PTPRD: variants seen among roughly 807,000 people sequenced by gnomAD.
The protein encoded by PTPRD is protein tyrosine phosphatase receptor type D, also known as receptor-type tyrosine-protein phosphatase delta.
A neutral mutation model predicts 214.5 loss-of-function variants in PTPRD; 34 were observed. The ratio of observed to expected loss-of-function variants is 0.16; its 90% CI spans 0.12 to 0.21. PTPRD has a LOEUF of 0.21. Among genes scored for constraint, PTPRD ranks in the 10% least tolerant of loss-of-function variants. PTPRD has a pLI of 1.00. For synonymous variants in PTPRD, 1,128 were observed against 845.7 expected (o/e 1.33, Z -5.79); for missense variants, 2,545 against 2,398.7 (o/e 1.06, Z -1.27).
intron 27 of PTPRD, among the ~76,000 whole-genome samples, chr9:8,490,942 G>C (rs2097137075): frequency 6.6e-6 from 1 of 152,130 alleles, no homozygotes; most frequent in Admixed American, 6.5e-5. Context: ...GCTCACATCT[G>C]TGAGATAAAC....
At chr9:10,364,233 C>A (rs1459432006) in intron 2 of PTPRD, among the ~76,000 whole-genome samples, 1 of 152,064 alleles carries the variant, frequency 6.6e-6, no homozygotes, top group Admixed American at 6.5e-5. Context: ...GATCTCCTGA[C>A]CTCGTGATCC....
chr9:10,079,164 T>C (rs561016878), intron 3 of PTPRD, among the ~76,000 whole-genome samples: 12 of 152,140 alleles, frequency 7.9e-5, no homozygotes, highest in Admixed American at 6.6e-5. Flanking sequence ...AAATACCCAT[T>C]CTGGGAAGGT....
At chr9:10,164,575 G>A (rs1419867885) in intron 3 of PTPRD, among the ~76,000 whole-genome samples, 1 of 151,524 alleles carries the variant, frequency 6.6e-6, no homozygotes, top group Non-Finnish European at 1.5e-5. Flanking sequence ...TGTTCATATG[G>A]TGTGACTAAA....
intron 8 of PTPRD, among the ~76,000 whole-genome samples, chr9:9,451,945 A>G (rs1025328828): frequency 3.5e-4 from 53 of 151,494 alleles, no homozygotes; most frequent in African/African-American, 1.2e-3. Flanking sequence ...ATTAAAAGTT[A>G]TGTCTCTTTG....
intron 3 of PTPRD, among the ~76,000 whole-genome samples, chr9:10,048,815 C>T (rs960568813): frequency 6.6e-6 from 1 of 151,976 alleles, no homozygotes; most frequent in South Asian, 2.1e-4. Context: ...CACTAAAATG[C>T]TAACAATTCA....
chr9:10,086,896 T>A (rs939764223), intron 3 of PTPRD, among the ~76,000 whole-genome samples: 1 of 151,806 alleles, frequency 6.6e-6, no homozygotes, highest in African/African-American at 2.4e-5. Flanking sequence ...TCTATACAAT[T>A]TAATGAATTA....
Position 8,340,358 on chromosome 9 carries a change from C to T in PTPRD, c.5238G>A (p.Leu1746=), listed in dbSNP as rs779245854. 1.2e-6 allele frequency: 2 copies of T among 1,608,360 alleles called. No homozygotes were observed. Among genetic ancestry groups the T allele is most frequent in the Non-Finnish European group, 1.7e-6 (2 of 1,175,904 alleles). Residue 1746 remains leucine (L), a synonymous_variant, in exon 42 of 46, where the codon CTG becomes CTA. Coordinates refer to ENST00000381196, the MANE Select transcript of PTPRD (RefSeq NM_002839.4). ...NSTIVVMLTK[L]REMGREKCHQ... ...ACACACTTACTCTGCCCATTTCACG[C>T]AGCTTGGTGAGCATCACAACTATGG...
intron 4 of PTPRD, among the ~76,000 whole-genome samples, chr9:9,999,991 A>G (rs1053806642): frequency 6.6e-6 from 1 of 152,180 alleles, no homozygotes; most frequent in Non-Finnish European, 1.5e-5. Flanking sequence ...AGGGTCTGTG[A>G]AAGTCATGAA....
intron 44 of PTPRD, among the ~76,000 whole-genome samples, chr9:8,329,810 G>A (rs952908483): frequency 6.6e-5 from 10 of 152,082 alleles, no homozygotes; most frequent in African/African-American, 2.4e-4. Context: ...TTTACACTGT[G>A]AGGGTAAAAC....
chr9:10,032,759 G>A (rs1269365159), intron 4 of PTPRD, among the ~76,000 whole-genome samples: 2 of 151,992 alleles, frequency 1.3e-5, no homozygotes, highest in Admixed American at 1.3e-4. Context: ...AGGATTGATT[G>A]GGATTCCCAA....
intron 14 of PTPRD, among the ~76,000 whole-genome samples, chr9:8,571,531 T>C (rs2091150140): frequency 6.6e-6 from 1 of 152,152 alleles, no homozygotes; most frequent in African/African-American, 2.4e-5. Flanking sequence ...TTTTGCCTAG[T>C]TAAGCAGTCC....
At chr9:10,469,091 A>G (rs2099013482) in intron 2 of PTPRD, among the ~76,000 whole-genome samples, 1 of 152,178 alleles carries the variant, frequency 6.6e-6, no homozygotes, top group Non-Finnish European at 1.5e-5. Flanking sequence ...TATGTCTACT[A>G]CTCATGCCTT....
In PTPRD at chr9:8,429,769, G is replaced by C. The variant is rs145545270; in HGVS notation, c.4086+6823C>G. On this transcript the variant is annotated intron_variant, in intron 35 of 45. Transcript: ENST00000381196. ...TCCACATCCAGAGACGGCAGCAAAT[G>C]TGTTGGGACTGGGCTTTGTGATGAG... Among the ~76,000 whole-genome samples the C allele has an allele frequency of 1.3e-4, 20 of 152,316 alleles. 1 individual carries two copies. Among genetic ancestry groups the C allele is most frequent in the African/African-American group, 4.3e-4 (18 of 41,576 alleles).
chr9:8,897,318 TG>T (rs1440570199), intron 11 of PTPRD, among the ~76,000 whole-genome samples: 4 of 151,690 alleles, frequency 2.6e-5, no homozygotes, highest in Non-Finnish European at 5.9e-5. Context: ...TACAAAGAGA[TG>T]TTTTTTTTTC....
intron 7 of PTPRD, among the ~76,000 whole-genome samples, chr9:9,651,024 G>A (rs550911720): frequency 3.3e-5 from 5 of 151,866 alleles, no homozygotes; most frequent in South Asian, 2.1e-4. Context: ...CTATTAATTA[G>A]GATTACCCTT....
chr9:9,804,309 T>C (rs2099059949), intron 5 of PTPRD, among the ~76,000 whole-genome samples: 1 of 152,050 alleles, frequency 6.6e-6, no homozygotes, highest in South Asian at 2.1e-4. Context: ...TTCCCATCCC[T>C]AAAGCCCGCT....
At chr9:10,566,155 C>G (rs536675176) in intron 2 of PTPRD, among the ~76,000 whole-genome samples, 1 of 152,036 alleles carries the variant, frequency 6.6e-6, no homozygotes, top group South Asian at 2.1e-4. Context: ...ATTAATTTGT[C>G]ACTATTTAAC....
At chr9:9,982,757 A>C (rs2095588060) in intron 4 of PTPRD, among the ~76,000 whole-genome samples, 1 of 152,148 alleles carries the variant, frequency 6.6e-6, no homozygotes, top group South Asian at 2.1e-4. Flanking sequence ...AATTAAAAAA[A>C]TAAAATAAAA....
At chr9:8,630,424 C>T (rs2096215345) in intron 14 of PTPRD, among the ~76,000 whole-genome samples, 1 of 151,802 alleles carries the variant, frequency 6.6e-6, no homozygotes, top group African/African-American at 2.4e-5. Flanking sequence ...ATAGAAATAA[C>T]AATATTTAGA....
Sources: allele counts gnomAD v4.1 joint callset (sites outside exome capture counted in the v4.1 genomes callset), GRCh38; gene constraint gnomAD v4.1.1; transcripts MANE v1.5; gene names NCBI Gene and HGNC (gene_info 2026-07-23, HGNC 2026-07-21).